Variants in XRCC4 observed in about 807,000 individuals in gnomAD.
XRCC4 encodes the protein DNA repair protein XRCC4.
XRCC4 carries 28 observed loss-of-function variants against 39.1 expected under a neutral mutation model. That is an observed-to-expected ratio of 0.72 (90% CI 0.53 to 0.98). The LOEUF (loss-of-function observed/expected upper bound fraction) is 0.98, where lower values mean the gene tolerates loss of function less well. Ranked by LOEUF, XRCC4 falls within the 50% of genes least tolerant of loss-of-function variation. The pLI is 0.00. For synonymous variants in XRCC4, 123 were observed against 126.4 expected (o/e 0.97, Z 0.18); for missense variants, 350 against 376.4 (o/e 0.93, Z 0.58).
intron 3 of XRCC4, among the ~76,000 whole-genome samples, chr5:83,114,708 G>C (rs1281187303): frequency 6.6e-6 from 1 of 152,234 alleles, no homozygotes; most frequent in East Asian, 1.9e-4. Flanking sequence ...ACATTTTCCT[G>C]TCTTCTTTTG....
intron 1 of XRCC4, among the ~76,000 whole-genome samples, chr5:83,078,368 C>T (rs1045293272): frequency 6.6e-6 from 1 of 152,170 alleles, no homozygotes; most frequent in African/African-American, 2.4e-5. Flanking sequence ...CTCTTTGCCC[C>T]CTTATGGCAA....
At chr5:83,273,207 G>C (rs1754202928) in intron 7 of XRCC4, among the ~76,000 whole-genome samples, 2 of 152,142 alleles carry the variant, frequency 1.3e-5, no homozygotes, top group African/African-American at 4.8e-5. Flanking sequence ...ATGTCTGTTG[G>C]CTGCATAAAT....
intron 6 of XRCC4, among the ~76,000 whole-genome samples, chr5:83,253,069 A>C (rs1392271839): frequency 1.3e-5 from 2 of 152,206 alleles, no homozygotes; most frequent in African/African-American, 4.8e-5. Flanking sequence ...GGGACTACTA[A>C]ACTAGGATGA....
intron 1 of XRCC4, among the ~76,000 whole-genome samples, chr5:83,088,514 A>C (rs193169487): frequency 4.2e-4 from 62 of 146,724 alleles, no homozygotes; most frequent in African/African-American, 1.3e-3. Flanking sequence ...TTTTTAAAAC[A>C]TATTAAGTGA....
At chr5:83,367,551 C>T in the XRCC4 span, among the ~76,000 whole-genome samples, 2 of 152,118 alleles carry the variant, frequency 1.3e-5, no homozygotes, top group Admixed American at 1.3e-4. Flanking sequence ...CTTCCTCAGG[C>T]TGCTGCCACT....
intron 7 of XRCC4, among the ~76,000 whole-genome samples, chr5:83,314,374 G>A (rs995551604): frequency 3.3e-5 from 5 of 152,168 alleles, no homozygotes; most frequent in African/African-American, 1.2e-4. Context: ...GACATAGGAT[G>A]TATATTAGTC....
intron 7 of XRCC4, among the ~76,000 whole-genome samples, chr5:83,333,829 G>A (rs1756512346): frequency 6.6e-6 from 1 of 151,498 alleles, no homozygotes; most frequent in South Asian, 2.1e-4. Flanking sequence ...GAGTGCAGTG[G>A]CACAATCTCA....
At chr5:83,155,588 A>G (rs1023647332) in intron 3 of XRCC4, among the ~76,000 whole-genome samples, 11 of 152,158 alleles carry the variant, frequency 7.2e-5, no homozygotes, top group Non-Finnish European at 1.2e-4. Flanking sequence ...AGACTAGCCT[A>G]TACTAGTGTG....
intron 3 of XRCC4, among the ~76,000 whole-genome samples, chr5:83,162,138 G>A (rs1749244936): frequency 2.0e-5 from 3 of 152,178 alleles, no homozygotes; most frequent in Non-Finnish European, 4.4e-5. Context: ...CTGCACTCCA[G>A]CCTGGGCGAC....
intron 7 of XRCC4, among the ~76,000 whole-genome samples, chr5:83,330,985 T>C (rs1756420678): frequency 6.6e-6 from 1 of 152,036 alleles, no homozygotes; most frequent in South Asian, 2.1e-4. Context: ...CCCTGGTTAT[T>C]TGAGACTATT....
intron 7 of XRCC4, among the ~76,000 whole-genome samples, chr5:83,284,080 G>GAAAAAAAAAAAA (rs1754652334): frequency 1.5e-5 from 1 of 66,958 alleles, no homozygotes; most frequent in African/African-American, 6.5e-5. Flanking sequence ...AAAAAAAAAC[G>GAAAAAAAAAAAA]AATAATTCAT....
At chr5:83,338,763 T>C (rs933581595) in intron 7 of XRCC4, among the ~76,000 whole-genome samples, 4 of 152,152 alleles carry the variant, frequency 2.6e-5, no homozygotes, top group African/African-American at 9.7e-5. Flanking sequence ...ATCATAAAGA[T>C]TTTACAGTGG....
At chr5:83,272,067 G>A (rs78913069) in intron 7 of XRCC4, among the ~76,000 whole-genome samples, 2,065 of 152,138 alleles carry the variant, frequency 0.014, 33 homozygotes, top group East Asian at 0.066. Flanking sequence ...GGATTTTTCA[G>A]GATAATTTGA....
At chr5:83,338,129 G>A (rs1756647507) in intron 7 of XRCC4, among the ~76,000 whole-genome samples, 1 of 152,178 alleles carries the variant, frequency 6.6e-6, no homozygotes, top group Admixed American at 6.5e-5. Context: ...ATCCAGAATG[G>A]TAGTCAAGAA....
At chr5:83,097,477 A>G (rs1745733025) in intron 1 of XRCC4, among the ~76,000 whole-genome samples, 1 of 152,054 alleles carries the variant, frequency 6.6e-6, no homozygotes, top group Non-Finnish European at 1.5e-5. Flanking sequence ...GGGGGGAAAA[A>G]AGTACATTGT....
chr5:83,290,043 T>C (rs974376110), intron 7 of XRCC4, among the ~76,000 whole-genome samples: 7 of 151,820 alleles, frequency 4.6e-5, no homozygotes, highest in Non-Finnish European at 8.8e-5. Flanking sequence ...AATTCCCCTT[T>C]GAGTGTTCCT....
the XRCC4 span, among the ~76,000 whole-genome samples, chr5:83,368,236 G>A: frequency 6.6e-6 from 1 of 152,166 alleles, no homozygotes; most frequent in South Asian, 2.1e-4. Context: ...CCCTTGGAAA[G>A]CGTCTTTCTC....
chr5:83,309,650 G>A (rs1755634883), intron 7 of XRCC4, among the ~76,000 whole-genome samples: 1 of 150,086 alleles, frequency 6.7e-6, no homozygotes, highest in South Asian at 2.1e-4. Flanking sequence ...TGTAGTCCCA[G>A]CTACTCAGGA....
intron 7 of XRCC4, among the ~76,000 whole-genome samples, chr5:83,315,176 C>G (rs926784824): frequency 6.6e-6 from 1 of 152,132 alleles, no homozygotes; most frequent in Non-Finnish European, 1.5e-5. Flanking sequence ...AAAAATCAAA[C>G]CAGCCCCAAA....
Sources: gnomAD v4.1 joint callset for allele counts (sites outside exome capture counted in the v4.1 genomes callset) on GRCh38, gnomAD v4.1.1 for gene constraint, MANE v1.5 for transcripts, NCBI Gene and HGNC (gene_info 2026-07-23, HGNC 2026-07-21) for gene names.